Variants in EML6 observed in about 807,000 individuals in gnomAD.
The protein encoded by EML6 is echinoderm microtubule-associated protein-like 6.
EML6 carries 154 observed loss-of-function variants against 240.1 expected under a neutral mutation model. The observed-to-expected ratio is 0.64, with a 90% CI of 0.56 to 0.73. The LOEUF is 0.73. Ranked by LOEUF, EML6 falls within the 30% of genes least tolerant of loss-of-function variation. The pLI, the probability that EML6 is intolerant of heterozygous loss-of-function variation, is 0.00. For missense variants in EML6, 2,964 were observed against 2,474.6 expected, an observed-to-expected ratio of 1.20 and a Z score of -4.20; for synonymous variants, 1,148 against 899.0, an observed-to-expected ratio of 1.28 and a Z score of -4.95.
Position 54,967,068 on chromosome 2 carries a change from G to T in EML6, c.5562G>T (p.Val1854=). ...VPLGKQVTEA[V]VIEKITWASW... is the part of the protein sequence containing the mutation. The stretch of plus-strand genomic sequence containing the variant: ...TGGGGAAGCAGGTAACTGAAGCCGT[G>T]GTCATTGAGAAGATCACCTGGGCCT... Residue 1854 remains valine, a synonymous_variant, in exon 39 of 42, where the codon GTG becomes GTT. Transcript: ENST00000356458. 4 of 1,551,442 alleles carry T rather than the reference G, an allele frequency of 2.6e-6. No homozygotes were observed. The Admixed American group carries it at 5.9e-5, about 23-fold the overall frequency.
chr2:54,811,838 C>G (rs1310193128), intron 2 of EML6, among the ~76,000 whole-genome samples: 1 of 152,164 alleles, frequency 6.6e-6, no homozygotes, highest in Non-Finnish European at 1.5e-5. Flanking sequence ...TAATCTCTCA[C>G]CAACTGAATG....
Position 54,971,623 on chromosome 2 carries a change from C to G in EML6, c.*1528C>G, listed in dbSNP as rs889409665. ...CAATTTACTAATGCCTTACATCAAT[C>G]CACTAATAGGTTGTTGGGCCCGCAG... On this transcript the variant is annotated 3_prime_UTR_variant, in exon 42 of 42. Transcript: ENST00000356458. 1 of 152,146 alleles carries G rather than the reference C, an allele frequency of 6.6e-6. No individual in the cohort carries two copies. The highest frequency in any genetic ancestry group is 1.5e-5 in the Non-Finnish European group (1 of 68,018). 9.4% of individuals were successfully genotyped at this position (152,146 alleles called of 1,614,324 possible).
At chr2:54,953,518 A>T (rs1207753683) in intron 31 of EML6, among the ~76,000 whole-genome samples, 4 of 152,088 alleles carry the variant, frequency 2.6e-5, no homozygotes, top group Non-Finnish European at 5.9e-5. Flanking sequence ...AATTTCCTCT[A>T]GTCTTTCTCC....
intron 24 of EML6, among the ~76,000 whole-genome samples, chr2:54,907,929 TAGATAGATAGATAGATAAGATAGATAGA>T (rs1446950679): frequency 1.2e-3 from 54 of 46,408 alleles, no homozygotes; most frequent in Middle Eastern, 0.013. Flanking sequence ...GATAGATAGA[TAGATAGATAGATAGATAAGATAGATAGA>T]TAGATAGATA....
chr2:54,827,224 T>C (rs1416059117), intron 5 of EML6, among the ~76,000 whole-genome samples: 1 of 152,238 alleles, frequency 6.6e-6, no homozygotes, highest in African/African-American at 2.4e-5. Context: ...ATACTACTTT[T>C]ATAACTTGAT....
In EML6 at chr2:54,946,158, T is replaced by C. The variant is rs551160064; in HGVS notation, c.4005-2724T>C. On this transcript the variant is annotated intron_variant, in intron 28 of 41. Coordinates refer to ENST00000356458, the MANE Select transcript of EML6 (RefSeq NM_001039753.4). ...TGTCTTGCCAGGCTCCCTCCTTAAA[T>C]TTCTTGCCAATGGAAGCTCTTTCTC... is the stretch of plus-strand genomic sequence containing the variant. Among the ~76,000 whole-genome samples, 3 of 152,328 alleles carry C rather than the reference T, an allele frequency of 2.0e-5. No homozygotes were observed. The East Asian group carries it at 5.8e-4, about 29-fold the overall frequency.
chr2:54,809,839 TAGA>T (rs1667739486), intron 2 of EML6, among the ~76,000 whole-genome samples: 1 of 152,154 alleles, frequency 6.6e-6, no homozygotes, highest in African/African-American at 2.4e-5. Context: ...AAATTTAAAA[TAGA>T]AGTAAATGCC....
At chr2:54,848,965 G>C (rs988346026) in intron 9 of EML6, among the ~76,000 whole-genome samples, 1 of 152,040 alleles carries the variant, frequency 6.6e-6, no homozygotes, top group Non-Finnish European at 1.5e-5. Flanking sequence ...ACAGTCACTC[G>C]TTTCTTAAAG....
chr2:54,923,771 C>T (rs34801380), intron 26 of EML6, among the ~76,000 whole-genome samples: 8 of 152,244 alleles, frequency 5.3e-5, no homozygotes, highest in African/African-American at 9.6e-5. Flanking sequence ...AGGCTGCTTC[C>T]TCATACTCCT....
chr2:54,896,093 G>C (rs1305426233), intron 21 of EML6, among the ~76,000 whole-genome samples: 1 of 152,086 alleles, frequency 6.6e-6, no homozygotes, highest in Admixed American at 6.6e-5. Context: ...CCACCCTCTG[G>C]CCACCAGTTA....
At chr2:54,789,084 T>C (rs1309222869) in intron 2 of EML6, among the ~76,000 whole-genome samples, 3 of 152,212 alleles carry the variant, frequency 2.0e-5, no homozygotes, top group African/African-American at 4.8e-5. Context: ...ATGTGTTCTG[T>C]CTCTGCTTAA....
intron 11 of EML6, among the ~76,000 whole-genome samples, chr2:54,854,978 A>C (rs1355401022): frequency 1.3e-5 from 2 of 152,246 alleles, no homozygotes; most frequent in Non-Finnish European, 2.9e-5. Flanking sequence ...ACTGGTCTCT[A>C]GTGTCAGAAC....
chr2:54,949,079 T>C (rs1675835063), intron 29 of EML6, 119 bp downstream of exon 29: 2 of 754,910 alleles, frequency 2.6e-6, no homozygotes, highest in East Asian at 5.4e-5. Context: ...CCTTGGGCTC[T>C]CTTTTGTCCC....
chr2:54,919,176 A>C (rs1674087070), intron 26 of EML6, among the ~76,000 whole-genome samples: 1 of 152,026 alleles, frequency 6.6e-6, no homozygotes, highest in Non-Finnish European at 1.5e-5. Context: ...GGAAATGAGA[A>C]ATTGACTTTC....
intron 9 of EML6, among the ~76,000 whole-genome samples, chr2:54,847,978 G>A (rs917167994): frequency 6.6e-6 from 1 of 152,194 alleles, no homozygotes; most frequent in Non-Finnish European, 1.5e-5. Context: ...GATACATTGT[G>A]TATGAACCTT....
intron 7 of EML6, among the ~76,000 whole-genome samples, chr2:54,843,241 C>T (rs1235019485): frequency 6.6e-6 from 1 of 151,912 alleles, no homozygotes; most frequent in Non-Finnish European, 1.5e-5. Context: ...AGCCTGGGCA[C>T]CACATAGCAA....
intron 8 of EML6, among the ~76,000 whole-genome samples, chr2:54,844,619 G>C (rs1311057580): frequency 6.6e-6 from 1 of 152,156 alleles, no homozygotes; most frequent in African/African-American, 2.4e-5. Context: ...TTTGTTAAAG[G>C]CTCTCTCATT....
chr2:54,814,445 A>G (rs543139590), intron 3 of EML6, among the ~76,000 whole-genome samples: 4 of 152,200 alleles, frequency 2.6e-5, no homozygotes, highest in Non-Finnish European at 5.9e-5. Context: ...CGGAGGGGTC[A>G]TTCCTGGCTC....
Position 54,850,048 on chromosome 2 carries a change from T to C in EML6, c.1274T>C (p.Val425Ala). 1 of 1,552,024 alleles carries C rather than the reference T, an allele frequency of 6.4e-7. No individual in the cohort carries two copies. Among genetic ancestry groups the C allele is most frequent in the Non-Finnish European group, 8.7e-7 (1 of 1,147,048 alleles). The change falls in exon 10 of 42, where the codon GTG (valine) becomes GCG (alanine). Residue 425 changes from valine (V) to alanine (A), a missense_variant. Val to Ala is a moderately conservative substitution (Grantham distance 64). Coordinates refer to ENST00000356458, the MANE Select transcript of EML6 (RefSeq NM_001039753.4). The part of the protein sequence containing the change: ...KFSPDGSYLA[V>A]GSNDGPVDVY... ...TCTCCAGATGGTTCTTACCTTGCAGTGGGATCCAATGATGGCCCAGTAGAT... is the reference window on the plus strand; with the variant it reads ...TCTCCAGATGGTTCTTACCTTGCAGCGGGATCCAATGATGGCCCAGTAGAT...
Sources: gnomAD v4.1 joint callset for allele counts (sites outside exome capture counted in the v4.1 genomes callset) on GRCh38, gnomAD v4.1.1 for gene constraint, MANE v1.5 for transcripts, NCBI Gene and HGNC (gene_info 2026-07-23, HGNC 2026-07-21) for gene names.